UIMC1: variants seen among roughly 807,000 people sequenced by gnomAD.
The protein encoded by UIMC1 is BRCA1-A complex subunit RAP80.
A neutral mutation model predicts 84.9 loss-of-function variants in UIMC1; 42 were observed. That is an observed-to-expected ratio of 0.49 (90% CI 0.39 to 0.64). The LOEUF (loss-of-function observed/expected upper bound fraction) is 0.64. Ranked by LOEUF, UIMC1 falls within the 30% of genes least tolerant of loss-of-function variation. The pLI, the probability that UIMC1 is intolerant of heterozygous loss-of-function variation, is 0.00. For synonymous variants in UIMC1, 281 were observed against 293.0 expected, an observed-to-expected ratio of 0.96 and a Z score of 0.42; for missense variants, 825 against 847.6, an observed-to-expected ratio of 0.97 and a Z score of 0.33.
chr5:176,939,419 G>C (rs1581456393), intron 10 of UIMC1, among the ~76,000 whole-genome samples: 1 of 152,146 alleles, frequency 6.6e-6, no homozygotes, highest in Non-Finnish European at 1.5e-5. Flanking sequence ...GCCACAAAAA[G>C]ACATTTCAGC....
At chr5:177,011,704 G>A (rs953676784), upstream of UIMC1, among the ~76,000 whole-genome samples, 7 of 152,150 alleles carry the variant, frequency 4.6e-5, no homozygotes, top group African/African-American at 9.7e-5. Flanking sequence ...CAGGCAACAC[G>A]GTGAAAAGAG....
chr5:176,910,896 C>A (rs1444134703), intron 11 of UIMC1, among the ~76,000 whole-genome samples: 2 of 152,014 alleles, frequency 1.3e-5, no homozygotes, highest in African/African-American at 2.4e-5. Flanking sequence ...TTCGAGACAG[C>A]CTGACCAACA....
chr5:177,020,399 C>T (rs532362519), intron 1 of UIMC1, among the ~76,000 whole-genome samples: 1 of 152,292 alleles, frequency 6.6e-6, no homozygotes, highest in Middle Eastern at 3.4e-3. Flanking sequence ...AGATGCAATC[C>T]TGTTTTATCT....
chr5:176,916,533 T>C (rs1339074264), intron 10 of UIMC1, among the ~76,000 whole-genome samples: 1 of 152,226 alleles, frequency 6.6e-6, no homozygotes, highest in Admixed American at 6.5e-5. Context: ...GCAAGTTCTG[T>C]AACCTGAGTA....
chr5:176,958,289 A>G, intron 6 of UIMC1, 135 bp from the exon 7 acceptor site: 2 of 642,930 alleles, frequency 3.1e-6, no homozygotes, highest in Non-Finnish European at 5.0e-6. Flanking sequence ...TCCATAAGCC[A>G]GTAAGTGTCA....
At chr5:177,005,257 T>A (rs1236695898) in intron 1 of UIMC1, among the ~76,000 whole-genome samples, 1 of 151,958 alleles carries the variant, frequency 6.6e-6, no homozygotes, top group African/African-American at 2.4e-5. Flanking sequence ...TTATTTTTTG[T>A]AGAGACAGGG....
intron 1 of UIMC1, among the ~76,000 whole-genome samples, chr5:176,991,388 CT>C (rs1260948094): frequency 6.6e-6 from 1 of 151,882 alleles, no homozygotes; most frequent in Non-Finnish European, 1.5e-5. Flanking sequence ...AAGAGCAAAT[CT>C]CTTTGGGGAG....
chr5:176,979,397 A>G (rs1347316624), intron 2 of UIMC1, among the ~76,000 whole-genome samples: 1 of 152,156 alleles, frequency 6.6e-6, no homozygotes, highest in Non-Finnish European at 1.5e-5. Context: ...ACCTGAGGTC[A>G]GGAGTTTGAG....
At chr5:176,993,266 A>G (rs937758421) in intron 1 of UIMC1, among the ~76,000 whole-genome samples, 6 of 152,038 alleles carry the variant, frequency 3.9e-5, no homozygotes, top group African/African-American at 1.5e-4. Flanking sequence ...GCTCACCACA[A>G]TCTCAACCTC....
At chr5:177,013,348 A>G (rs1775597830) in intron 1 of UIMC1, among the ~76,000 whole-genome samples, 1 of 145,886 alleles carries the variant, frequency 6.9e-6, no homozygotes, top group African/African-American at 2.6e-5. Flanking sequence ...ACAACAGAGC[A>G]AGACTGCATC....
intron 10 of UIMC1, among the ~76,000 whole-genome samples, chr5:176,916,231 A>G (rs769386643): frequency 1.2e-4 from 19 of 152,224 alleles, no homozygotes; most frequent in Non-Finnish European, 2.4e-4. Context: ...TGATGACAGC[A>G]GCCACAGATT....
intron 10 of UIMC1, among the ~76,000 whole-genome samples, chr5:176,914,223 C>T (rs996747725): frequency 3.3e-5 from 5 of 151,920 alleles, no homozygotes; most frequent in Admixed American, 6.6e-5. Flanking sequence ...CTGAACACTC[C>T]TATTTGTTGA....
At chr5:176,935,004 C>T (rs1369315310) in intron 10 of UIMC1, among the ~76,000 whole-genome samples, 1 of 152,144 alleles carries the variant, frequency 6.6e-6, no homozygotes, top group Non-Finnish European at 1.5e-5. Context: ...GGTTTTTTTG[C>T]TTAAGGTTAC....
intron 14 of UIMC1, chr5:176,905,805 GTTTGT>G (rs1759285921): frequency 1.6e-6 from 1 of 644,812 alleles, no homozygotes; most frequent in South Asian, 2.0e-5. Flanking sequence ...CTTTCACTCT[GTTTGT>G]TTTAACACAA....
At chr5:176,918,901 C>CA (rs1761361784) in intron 10 of UIMC1, among the ~76,000 whole-genome samples, 1 of 152,182 alleles carries the variant, frequency 6.6e-6, no homozygotes. Flanking sequence ...AAAACACATA[C>CA]AACGTGCTGA....
intron 2 of UIMC1, among the ~76,000 whole-genome samples, chr5:176,981,895 TAAAC>T (rs1771109302): frequency 6.6e-6 from 1 of 152,116 alleles, no homozygotes; most frequent in Admixed American, 6.5e-5. Context: ...AAAACTCCAA[TAAAC>T]AAATAGAAAT....
At chr5:176,998,700 G>C (rs1774005315) in intron 1 of UIMC1, among the ~76,000 whole-genome samples, 1 of 151,920 alleles carries the variant, frequency 6.6e-6, no homozygotes, top group African/African-American at 2.4e-5. Context: ...CCGGGCGGTG[G>C]AGGTTGCGGT....
chr5:176,997,293 T>C (rs2149531478), intron 1 of UIMC1, among the ~76,000 whole-genome samples: 1 of 152,198 alleles, frequency 6.6e-6, no homozygotes, highest in South Asian at 2.1e-4. Context: ...TTTAACAGAC[T>C]CATAACTGGG....
intron 10 of UIMC1, among the ~76,000 whole-genome samples, chr5:176,918,464 C>G (rs1351803702): frequency 6.6e-6 from 1 of 152,218 alleles, no homozygotes; most frequent in African/African-American, 2.4e-5. Flanking sequence ...CTGTCCCCTG[C>G]ATCTAAAGTG....
Sources: gnomAD v4.1 joint callset for allele counts (sites outside exome capture counted in the v4.1 genomes callset) on GRCh38, gnomAD v4.1.1 for gene constraint, MANE v1.5 for transcripts, NCBI Gene and HGNC (gene_info 2026-07-23, HGNC 2026-07-21) for gene names.